RPS6KA2: variants seen among roughly 807,000 people sequenced by gnomAD.
RPS6KA2 encodes the protein ribosomal protein S6 kinase A2, also known as ribosomal protein S6 kinase alpha-2.
Under a neutral mutation model 91.8 loss-of-function variants are expected in RPS6KA2, and 42 were observed. The ratio of observed to expected loss-of-function variants is 0.46; its 90% CI spans 0.36 to 0.59. RPS6KA2 has a LOEUF of 0.59. RPS6KA2 is among the 20% of genes least tolerant of loss of function. The pLI is 0.00. For synonymous variants in RPS6KA2, 414 were observed against 393.6 expected, an observed-to-expected ratio of 1.05 and a Z score of -0.61; for missense variants, 798 against 978.5, an observed-to-expected ratio of 0.82 and a Z score of 2.46.
intron 2 of RPS6KA2, among the ~76,000 whole-genome samples, chr6:166,807,706 C>T (rs754203133): frequency 6.6e-6 from 1 of 152,062 alleles, no homozygotes; most frequent in African/African-American, 2.4e-5. Context: ...AGTCTCCCAC[C>T]GTCTGCACAC....
intron 2 of RPS6KA2, among the ~76,000 whole-genome samples, chr6:166,704,959 T>C (rs571232018): frequency 5.3e-5 from 8 of 152,378 alleles, no homozygotes; most frequent in African/African-American, 1.4e-4. Context: ...TGGTTTGTGC[T>C]CTGGTTACAG....
chr6:166,475,566 G>GC (rs965866530), intron 10 of RPS6KA2, among the ~76,000 whole-genome samples: 2 of 152,120 alleles, frequency 1.3e-5, no homozygotes, highest in African/African-American at 4.8e-5. Context: ...CAGCTCTGTC[G>GC]CCCCCACTCA....
At chr6:166,438,316 G>A (rs1254268796) in intron 14 of RPS6KA2, among the ~76,000 whole-genome samples, 1 of 152,178 alleles carries the variant, frequency 6.6e-6, no homozygotes, top group African/African-American at 2.4e-5. Context: ...GTGAAGATGG[G>A]CACAGAAACA....
intron 2 of RPS6KA2, among the ~76,000 whole-genome samples, chr6:166,796,161 G>A (rs935184615): frequency 6.6e-6 from 1 of 152,204 alleles, no homozygotes; most frequent in African/African-American, 2.4e-5. Flanking sequence ...TCCTAGCGGG[G>A]AGACTAAAAG....
At chr6:166,528,040 A>G (rs1330841149) in intron 3 of RPS6KA2, among the ~76,000 whole-genome samples, 1 of 152,108 alleles carries the variant, frequency 6.6e-6, no homozygotes, top group East Asian at 1.9e-4. Context: ...CTGTGTAGAC[A>G]GCTGTGTTCA....
Position 166,770,614 on chromosome 6 carries a change from C to A in RPS6KA2, c.123+87586G>T, listed in dbSNP as rs957292526. Reference sequence around the variant, plus strand: ...GCAAGATGACATCCTCAGTTTAGCACGCAAGGCAGCCCCTGCTGTACAAGG... The same window carrying A: ...GCAAGATGACATCCTCAGTTTAGCAAGCAAGGCAGCCCCTGCTGTACAAGG... On this transcript the variant is annotated intron_variant, in intron 2 of 21. Transcript: ENST00000503859. The surrounding 1 kb of genome is among the most constrained non-coding windows in gnomAD (Gnocchi z 5.1). Among the ~76,000 whole-genome samples, 1 of 152,214 alleles carries A rather than the reference C, an allele frequency of 6.6e-6. No individual in the cohort carries two copies. The highest frequency in any genetic ancestry group is 1.5e-5 in the Non-Finnish European group (1 of 68,042).
intron 1 of RPS6KA2, among the ~76,000 whole-genome samples, chr6:166,860,848 G>A (rs762483061): frequency 1.7e-4 from 26 of 152,038 alleles, no homozygotes; most frequent in Non-Finnish European, 3.1e-4. Context: ...AATGGCAACC[G>A]CAGTAAGGGA....
chr6:166,766,569 AC>A (rs1429209459), intron 2 of RPS6KA2, among the ~76,000 whole-genome samples: 4 of 152,182 alleles, frequency 2.6e-5, no homozygotes, highest in African/African-American at 7.2e-5. Flanking sequence ...ATATGATAAA[AC>A]TTTGATGTAC....
chr6:166,670,392 T>A (rs67183699), intron 2 of RPS6KA2, among the ~76,000 whole-genome samples: 14,248 of 152,268 alleles, frequency 0.094, 954 homozygotes, highest in African/African-American at 0.18. Flanking sequence ...ACTGCTGAGC[T>A]GCAGCCACAC....
intron 2 of RPS6KA2, among the ~76,000 whole-genome samples, chr6:166,637,855 A>G (rs533835854): frequency 8.5e-5 from 13 of 152,326 alleles, no homozygotes; most frequent in African/African-American, 3.1e-4. Flanking sequence ...GCCGCAGGGG[A>G]CAGAGCCCAC....
intron 2 of RPS6KA2, among the ~76,000 whole-genome samples, chr6:166,846,376 C>T (rs181341849): frequency 1.4e-5 from 2 of 144,406 alleles, no homozygotes; most frequent in African/African-American, 5.1e-5. Flanking sequence ...CATTATCACC[C>T]CCATACCAAA....
intron 2 of RPS6KA2, among the ~76,000 whole-genome samples, chr6:166,835,727 A>C (rs1780301468): frequency 6.6e-6 from 1 of 152,186 alleles, no homozygotes; most frequent in Non-Finnish European, 1.5e-5. Context: ...CAATTTGTAT[A>C]ACTTACATTT....
chr6:166,764,743 C>T (rs570495213), intron 2 of RPS6KA2, among the ~76,000 whole-genome samples: 178 of 152,342 alleles, frequency 1.2e-3, no homozygotes, highest in Admixed American at 3.9e-3. Flanking sequence ...GGGAGGAAGA[C>T]GCGCCACAGG....
intron 1 of RPS6KA2, among the ~76,000 whole-genome samples, chr6:166,622,101 G>T (rs1192351791): frequency 1.3e-5 from 2 of 152,160 alleles, no homozygotes; most frequent in Non-Finnish European, 2.9e-5. Flanking sequence ...AGTCTGAACA[G>T]TCTTTGCTGT....
chr6:166,772,194 CCTTT>C (rs1201261767), intron 2 of RPS6KA2, among the ~76,000 whole-genome samples: 3 of 152,164 alleles, frequency 2.0e-5, no homozygotes, highest in Admixed American at 2.0e-4. Flanking sequence ...GCAAGCACTC[CCTTT>C]CTTTCTATGG....
intron 12 of RPS6KA2, among the ~76,000 whole-genome samples, chr6:166,454,967 T>C (rs1389319540): frequency 6.6e-6 from 1 of 151,092 alleles, no homozygotes; most frequent in Non-Finnish European, 1.5e-5. Flanking sequence ...TATGAAAATA[T>C]AATACGTAAT....
chr6:166,459,300 G>T lies in RPS6KA2; in HGVS notation c.1075+149C>A, dbSNP rs1400374423. The T allele has an allele frequency of 3.3e-6, 2 of 598,828 alleles. No homozygotes were observed. Among genetic ancestry groups the T allele is most frequent in the South Asian group, 4.0e-5 (2 of 50,260 alleles). The allele number at this position is 598,828 out of a possible 1,614,324, so 37.1% of individuals were successfully genotyped here. On this transcript the variant is annotated intron_variant, in intron 12 of 20. Transcript: ENST00000265678. The surrounding 1 kb of genome is among the most constrained non-coding windows in gnomAD (Gnocchi z 4.9). ...ACTTAAACCTTTATCACTGAGCAGA[G>T]AAAACAACAACAAAAAACCCAAACA...
chr6:166,687,748 C>G (rs182016422), intron 2 of RPS6KA2, among the ~76,000 whole-genome samples: 2 of 152,222 alleles, frequency 1.3e-5, no homozygotes, highest in African/African-American at 4.8e-5. Context: ...TTAAATGAAG[C>G]GCAGCATTGC....
rs1279810281 is a variant in RPS6KA2 at position 166,445,179 on chromosome 6, C to T, written c.1332+3545G>A. Among the ~76,000 whole-genome samples, 1 of 151,926 alleles carries T rather than the reference C, an allele frequency of 6.6e-6. No homozygotes were observed. The highest frequency in any genetic ancestry group is 1.5e-5 in the Non-Finnish European group (1 of 67,986). ...TCATAGAGGTGAAGAGCTGGCCCCA[C>T]TCTCCTCTTAGAAGGACCTGCACTT... On this transcript the variant is annotated intron_variant, in intron 14 of 20. Transcript: ENST00000265678. This position sits in a 1 kb window ranked among gnomAD's most constrained non-coding sequence, Gnocchi z 4.5.
Sources: gnomAD v4.1 joint callset for allele counts (sites outside exome capture counted in the v4.1 genomes callset) on GRCh38, gnomAD v4.1.1 for gene constraint, Gnocchi (gnomAD v3.1) non-coding constraint, MANE v1.5 for transcripts, NCBI Gene and HGNC (gene_info 2026-07-23, HGNC 2026-07-21) for gene names.